BARD1: variants seen among roughly 807,000 people sequenced by gnomAD.
BARD1 encodes the protein BRCA1 associated RING domain 1, also known as BRCA1-associated RING domain protein 1.
In BARD1, 73 loss-of-function variants were observed where a neutral mutation model predicts 77.0. That is an observed-to-expected ratio of 0.95 (90% CI 0.79 to 1.15). The LOEUF (loss-of-function observed/expected upper bound fraction) is 1.15. Ranked by LOEUF, BARD1 falls within the 50% of genes most tolerant of loss-of-function variation. The probability of loss-of-function intolerance (pLI) is 0.00; values close to 1 mark genes in which losing one functional copy is unlikely to be tolerated. For synonymous variants in BARD1, 384 were observed against 338.0 expected, an observed-to-expected ratio of 1.14 and a Z score of -1.49; for missense variants, 993 against 938.8, an observed-to-expected ratio of 1.06 and a Z score of -0.75.
intron 3 of BARD1, among the ~76,000 whole-genome samples, chr2:214,782,304 CA>C (rs1695078212): frequency 6.6e-6 from 1 of 151,970 alleles, no homozygotes. Context: ...ATAAAACAGT[CA>C]AAACTGATTT....
intron 6 of BARD1, among the ~76,000 whole-genome samples, chr2:214,758,215 G>T (rs1693789060): frequency 6.6e-6 from 1 of 152,154 alleles, no homozygotes; most frequent in African/African-American, 2.4e-5. Flanking sequence ...CCACTCAAAA[G>T]TCTTATGACT....
At chr2:214,738,936 G>A (rs1157219952) in intron 9 of BARD1, among the ~76,000 whole-genome samples, 22 of 152,024 alleles carry the variant, frequency 1.4e-4, no homozygotes. Flanking sequence ...CTTGAAACAA[G>A]GAGTTCAAGA....
At chr2:214,731,874 T>C (rs567376031) in intron 9 of BARD1, among the ~76,000 whole-genome samples, 2 of 152,168 alleles carry the variant, frequency 1.3e-5, no homozygotes, top group Non-Finnish European at 2.9e-5. Flanking sequence ...GTTGTTAACA[T>C]AAAGGAACAA....
chr2:214,780,453 GAAAGGTTA>G lies in BARD1; in HGVS notation c.1314+99_1314+106del, dbSNP rs141351703. 25,323 of 957,300 alleles carry G rather than the reference GAAAGGTTA, an allele frequency of 0.026. 578 individuals carry two copies. The highest frequency in any genetic ancestry group is 0.073 in the South Asian group (5,181 of 71,206). 59.3% of individuals were successfully genotyped at this position (957,300 alleles called of 1,614,324 possible). A position where few individuals can be genotyped will look rare whatever the true frequency, so the allele number is the denominator to read the frequency against. On this transcript the variant is annotated intron_variant, in intron 4 of 10. Coordinates refer to ENST00000260947, the MANE Select transcript of BARD1 (RefSeq NM_000465.4). ...GGTTCAGAGGAAGTATCATGTCTGT[GAAAGGTTA>G]ATTATCCTAGTAATCCTATGCCATT...
chr2:214,759,364 T>A (rs1693843620), intron 6 of BARD1, among the ~76,000 whole-genome samples: 1 of 152,176 alleles, frequency 6.6e-6, no homozygotes, highest in Non-Finnish European at 1.5e-5. Flanking sequence ...CCGTAAGAGC[T>A]GTGGTTCTAG....
At chr2:214,794,219 C>A in intron 2 of BARD1, among the ~76,000 whole-genome samples, 1 of 152,070 alleles carries the variant, frequency 6.6e-6, no homozygotes, top group East Asian at 1.9e-4. Flanking sequence ...CCACTGCACT[C>A]CAGCCTGGGT....
At chr2:214,732,353 T>C (rs770769248) in intron 9 of BARD1, among the ~76,000 whole-genome samples, 7 of 152,120 alleles carry the variant, frequency 4.6e-5, no homozygotes, top group Non-Finnish European at 1.0e-4. Context: ...AAGATTCAGT[T>C]GTGTATGAGT....
rs537968357 is a variant in BARD1, at chr2:214,734,764, C to T, written c.1904-4256G>A. ...TTTATTCTATTCTGTTTTCTTTTTA[C>T]TTTTCTAACTTTAAATGACCAAGGA... On this transcript the variant is annotated intron_variant, in intron 9 of 10. Coordinates refer to ENST00000260947, the MANE Select transcript of BARD1 (RefSeq NM_000465.4). Among the ~76,000 whole-genome samples the T allele has an allele frequency of 7.2e-5, 11 of 152,168 alleles. No homozygotes were observed. In the South Asian group the frequency reaches 2.3e-3, roughly 32 times the overall value.
rs140280556 is a variant in BARD1, at chr2:214,798,356, AC to A, written c.159-1240del. On this transcript the variant is annotated intron_variant, in intron 1 of 10. Coordinates refer to ENST00000260947, the MANE Select transcript of BARD1 (RefSeq NM_000465.4). ...TGTAAAACGTACAGATAAAAATATGACTTGTGACTCTGCCAATAAACATGAT... is the reference window on the plus strand; with the variant it reads ...TGTAAAACGTACAGATAAAAATATGATTGTGACTCTGCCAATAAACATGAT... 6.0e-3 allele frequency among the ~76,000 whole-genome samples: 911 copies of A among 152,222 alleles called. 15 individuals carry two copies. The highest frequency in any genetic ancestry group is 0.02 in the African/African-American group (850 of 41,540).
In BARD1 at chr2:214,745,923, G is replaced by A; in HGVS notation, c.1678-69C>T. The stretch of plus-strand genomic sequence containing the variant: ...ACTAGACAAAGACATTAAACAGACT[G>A]TTACTTGATATAAGCTTGAATTTCA... On this transcript the variant is annotated intron_variant, in intron 7 of 10. Transcript: ENST00000260947. The A allele has an allele frequency of 2.6e-6, 4 of 1,542,266 alleles. No individual in the cohort carries two copies. The South Asian group carries it at 4.5e-5, about 17-fold the overall frequency.
intron 4 of BARD1, among the ~76,000 whole-genome samples, chr2:214,771,761 T>C (rs1462421049): frequency 2.0e-5 from 3 of 151,866 alleles, no homozygotes; most frequent in African/African-American, 7.3e-5. Flanking sequence ...TATCTAATTG[T>C]CTCTGTTTCT....
intron 4 of BARD1, among the ~76,000 whole-genome samples, chr2:214,775,665 C>T (rs745937644): frequency 2.6e-5 from 4 of 152,050 alleles, no homozygotes; most frequent in East Asian, 1.9e-4. Flanking sequence ...AAACTCTCTG[C>T]GAAGCATAAA....
chr2:214,778,608 C>T (rs1453937978), intron 4 of BARD1, among the ~76,000 whole-genome samples: 1 of 152,068 alleles, frequency 6.6e-6, no homozygotes, highest in Non-Finnish European at 1.5e-5. Flanking sequence ...CATGCCTAGA[C>T]CAAGAGTAGG....
At chr2:214,741,970 T>C (rs528997313) in intron 9 of BARD1, among the ~76,000 whole-genome samples, 1 of 152,224 alleles carries the variant, frequency 6.6e-6, no homozygotes, top group South Asian at 2.1e-4. Context: ...AATGTGTTGA[T>C]TATCTATAGA....
intron 9 of BARD1, among the ~76,000 whole-genome samples, chr2:214,732,747 A>T (rs1692411635): frequency 6.6e-6 from 1 of 152,210 alleles, no homozygotes. Flanking sequence ...AAGAAAAAGA[A>T]ATGCAATGTT....
chr2:214,761,554 GCT>G (rs1317326708), intron 6 of BARD1, among the ~76,000 whole-genome samples: 1 of 151,988 alleles, frequency 6.6e-6, no homozygotes, highest in Non-Finnish European at 1.5e-5. Context: ...AAAAGCATAA[GCT>G]TTGGGAGGCT....
At chr2:214,754,285 A>T (rs1402486362) in intron 6 of BARD1, among the ~76,000 whole-genome samples, 3 of 151,902 alleles carry the variant, frequency 2.0e-5, no homozygotes, top group Non-Finnish European at 4.4e-5. Flanking sequence ...TCATAACTGC[A>T]TAGCCATGAT....
intron 1 of BARD1, among the ~76,000 whole-genome samples, chr2:214,801,222 CAA>C (rs147031403): frequency 0.061 from 9,347 of 152,178 alleles, 295 homozygotes; most frequent in Admixed American, 0.094. Flanking sequence ...CTTGTTACAG[CAA>C]AAGACCACAA....
chr2:214,758,651 T>A (rs766161657), intron 6 of BARD1, among the ~76,000 whole-genome samples: 4 of 152,218 alleles, frequency 2.6e-5, no homozygotes, highest in Non-Finnish European at 4.4e-5. Context: ...AAAATCCTTT[T>A]CCTAACTAGG....
Sources: allele counts gnomAD v4.1 joint callset (sites outside exome capture counted in the v4.1 genomes callset), GRCh38; gene constraint gnomAD v4.1.1; transcripts MANE v1.5; gene names NCBI Gene and HGNC (gene_info 2026-07-23, HGNC 2026-07-21).